SNX29: variants seen among roughly 807,000 people sequenced by gnomAD.
The protein encoded by SNX29 is sorting nexin-29.
In SNX29, 78 loss-of-function variants were observed where a neutral mutation model predicts 102.1. That is an observed-to-expected ratio of 0.76 (90% CI 0.64 to 0.92). The LOEUF is 0.92. Among genes scored for constraint, SNX29 ranks in the 40% least tolerant of loss-of-function variants. The pLI, the probability that SNX29 is intolerant of heterozygous loss-of-function variation, is 0.00. For missense variants in SNX29, 1,280 were observed against 1,061.7 expected, an observed-to-expected ratio of 1.21 and a Z score of -2.86; for synonymous variants, 580 against 414.5, an observed-to-expected ratio of 1.40 and a Z score of -4.85.
intron 7 of SNX29, among the ~76,000 whole-genome samples, chr16:12,049,465 T>G (rs980802089): frequency 1.3e-5 from 2 of 151,754 alleles, no homozygotes; most frequent in Non-Finnish European, 2.9e-5. Context: ...TCTGAGTAGG[T>G]GGGACTATAG....
chr16:12,528,999 C>G (rs895384198), intron 20 of SNX29, among the ~76,000 whole-genome samples: 1 of 152,188 alleles, frequency 6.6e-6, no homozygotes, highest in African/African-American at 2.4e-5. Context: ...TTTTTAAATT[C>G]CATTTGACGT....
At position 12,515,741 on chromosome 16, in the gene SNX29, C is replaced by T; in HGVS notation, c.2179-8961C>T. 6 of 407,842 alleles carry T rather than the reference C, an allele frequency of 1.5e-5. 1 individual carries two copies. The highest frequency in any genetic ancestry group is 9.5e-5 in the South Asian group (5 of 52,672). The allele number at this position is 407,842 out of a possible 1,614,324, so 25.3% of individuals were successfully genotyped here. ...AAGCTCCGGAGGGCAGGGGTCACATCTGTTTGCCAATACGTTCCTTCAAGG... is the reference window on the plus strand; with the variant it reads ...AAGCTCCGGAGGGCAGGGGTCACATTTGTTTGCCAATACGTTCCTTCAAGG... On this transcript the variant is annotated intron_variant, in intron 19 of 20. Transcript: ENST00000566228.
intron 14 of SNX29, among the ~76,000 whole-genome samples, chr16:12,266,042 A>C (rs1449427540): frequency 6.6e-6 from 1 of 152,200 alleles, no homozygotes; most frequent in East Asian, 1.9e-4. Flanking sequence ...TGAGTCCAAG[A>C]GCTGCTAGTT....
chr16:12,047,693 C>T (rs1468320969), intron 6 of SNX29, among the ~76,000 whole-genome samples: 4 of 143,388 alleles, frequency 2.8e-5, no homozygotes, highest in Non-Finnish European at 4.5e-5. Context: ...GTTTCACTCT[C>T]GTTGCCCAGG....
chr16:12,277,822 A>C (rs1229164473), intron 14 of SNX29, 111 bp from the exon 15 acceptor site: 1 of 820,804 alleles, frequency 1.2e-6, no homozygotes, highest in East Asian at 2.7e-5. Context: ...TTTTCTTGAG[A>C]GCTTTTTCAG....
intron 3 of SNX29, among the ~76,000 whole-genome samples, chr16:12,021,332 A>G (rs2057012919): frequency 6.6e-6 from 1 of 152,232 alleles, no homozygotes; most frequent in Non-Finnish European, 1.5e-5. Context: ...AGGCTGAGGC[A>G]GGACAATTGC....
chr16:12,262,520 G>A (rs1358072595), intron 14 of SNX29, among the ~76,000 whole-genome samples: 3 of 152,192 alleles, frequency 2.0e-5, no homozygotes, highest in African/African-American at 4.8e-5. Context: ...TCGTTGGTTC[G>A]ATCCTAAAAT....
chr16:12,360,856 G>A (rs374772626), intron 16 of SNX29, among the ~76,000 whole-genome samples: 1 of 152,294 alleles, frequency 6.6e-6, no homozygotes, highest in African/African-American at 2.4e-5. Context: ...CCATTTTACA[G>A]GTTTACTGAG....
intron 19 of SNX29, chr16:12,515,470 A>G (rs2089822409): frequency 4.1e-6 from 2 of 483,276 alleles, no homozygotes; most frequent in Non-Finnish European, 8.3e-6. Context: ...CAGCTCTGAA[A>G]TAGAACTGAA....
At chr16:12,411,967 C>CA (rs1469584922) in intron 18 of SNX29, among the ~76,000 whole-genome samples, 2 of 152,110 alleles carry the variant, frequency 1.3e-5, no homozygotes, top group African/African-American at 4.8e-5. Context: ...TCCCCGTGTT[C>CA]AAAAAAACTG....
chr16:12,378,825 C>T (rs1027631072), intron 16 of SNX29, among the ~76,000 whole-genome samples: 1 of 152,210 alleles, frequency 6.6e-6, no homozygotes, highest in Admixed American at 6.5e-5. Flanking sequence ...TCCGTCTCCC[C>T]TCATGGAAAC....
At chr16:12,035,781 G>C (rs1231143941) in intron 4 of SNX29, among the ~76,000 whole-genome samples, 4 of 152,126 alleles carry the variant, frequency 2.6e-5, no homozygotes, top group Admixed American at 2.0e-4. Flanking sequence ...CCTTTATCTC[G>C]GTGAGGGATT....
intron 20 of SNX29, among the ~76,000 whole-genome samples, chr16:12,552,551 G>C (rs1287349687): frequency 2.6e-5 from 4 of 152,186 alleles, no homozygotes; most frequent in Non-Finnish European, 4.4e-5. Context: ...CCCCAGCACT[G>C]GCACACAGGC....
chr16:12,107,783 G>C (rs558440356), intron 11 of SNX29, among the ~76,000 whole-genome samples: 1 of 152,288 alleles, frequency 6.6e-6, no homozygotes, highest in South Asian at 2.1e-4. Flanking sequence ...TTCATTCTCA[G>C]ACATCCTCCC....
chr16:12,186,526 C>T (rs745486571), intron 13 of SNX29, among the ~76,000 whole-genome samples: 4 of 152,162 alleles, frequency 2.6e-5, no homozygotes, highest in Admixed American at 6.6e-5. Flanking sequence ...GGAAATGTAA[C>T]ACTGGTGCAG....
chr16:12,126,341 CTG>C (rs1285525611), intron 11 of SNX29, among the ~76,000 whole-genome samples: 2 of 152,188 alleles, frequency 1.3e-5, no homozygotes, highest in Non-Finnish European at 2.9e-5. Context: ...GAGATAGTAA[CTG>C]TTAAGATCTC....
At chr16:12,240,849 A>G (rs1406733248) in intron 14 of SNX29, among the ~76,000 whole-genome samples, 1 of 151,524 alleles carries the variant, frequency 6.6e-6, no homozygotes, top group Non-Finnish European at 1.5e-5. Context: ...CAAGTGATCC[A>G]CCCACCTTGG....
At chr16:11,976,894 T>C (rs2055312198) in intron 1 of SNX29, 81 bp downstream of exon 1, 1 of 1,286,928 alleles carries the variant, frequency 7.8e-7, no homozygotes, top group Non-Finnish European at 9.8e-7. Context: ...GGCCCCTGCG[T>C]CCTCGCGCCC....
chr16:12,544,197 G>A (rs955214126), intron 20 of SNX29, among the ~76,000 whole-genome samples: 4 of 152,178 alleles, frequency 2.6e-5, no homozygotes, highest in East Asian at 1.9e-4. Context: ...ATCAGCCAAG[G>A]CTTCAGAACC....
Sources: allele counts gnomAD v4.1 joint callset (sites outside exome capture counted in the v4.1 genomes callset), GRCh38; gene constraint gnomAD v4.1.1; transcripts MANE v1.5; gene names NCBI Gene and HGNC (gene_info 2026-07-23, HGNC 2026-07-21).